Variants in RNF38 observed in about 807,000 individuals in gnomAD.
RNF38 encodes E3 ubiquitin-protein ligase RNF38.
Under a neutral mutation model 67.2 loss-of-function variants are expected in RNF38, and 15 were observed. The observed-to-expected ratio is 0.22, with a 90% CI of 0.15 to 0.34. The LOEUF is 0.34. Ranked by LOEUF, RNF38 falls within the 10% of genes least tolerant of loss-of-function variation. RNF38 has a pLI of 1.00. For synonymous variants in RNF38, 220 were observed against 218.8 expected (o/e 1.01, Z -0.05); for missense variants, 524 against 639.9 (o/e 0.82, Z 1.95).
chr9:36,400,944 G>T (rs1227921526), upstream of RNF38: 1 of 974,244 alleles, frequency 1.0e-6, no homozygotes, highest in South Asian at 4.7e-5. Context: ...ACCCCGCCTC[G>T]GCGATCACAG....
chr9:36,420,519 A>T (rs1293292648), intron 2 of RNF38, among the ~76,000 whole-genome samples: 1 of 133,714 alleles, frequency 7.5e-6, no homozygotes, highest in Non-Finnish European at 1.7e-5. Context: ...GCAACAGAGC[A>T]AGACTCTGTC....
At chr9:36,370,150 G>GA (rs1835267276) in intron 3 of RNF38, among the ~76,000 whole-genome samples, 1 of 152,110 alleles carries the variant, frequency 6.6e-6, no homozygotes, top group Non-Finnish European at 1.5e-5. Context: ...ATTCATCTCT[G>GA]AAAGTATTTA....
At chr9:36,416,617 C>G (rs1473117579) in intron 2 of RNF38, among the ~76,000 whole-genome samples, 1 of 152,132 alleles carries the variant, frequency 6.6e-6, no homozygotes, top group Admixed American at 6.5e-5. Context: ...GTTTTCTTCT[C>G]CCTGTGGTCC....
At chr9:36,393,839 G>C (rs964446883) in intron 1 of RNF38, among the ~76,000 whole-genome samples, 1 of 152,080 alleles carries the variant, frequency 6.6e-6, no homozygotes, top group Non-Finnish European at 1.5e-5. Flanking sequence ...GCATGCGAAA[G>C]GTACCATGTG....
chr9:36,399,248 C>A (rs149556099), intron 1 of RNF38, among the ~76,000 whole-genome samples: 9 of 152,232 alleles, frequency 5.9e-5, no homozygotes, highest in Admixed American at 5.9e-4. Flanking sequence ...GAATCACAGA[C>A]GAAGTCAGAG....
intron 1 of RNF38, among the ~76,000 whole-genome samples, chr9:36,394,532 A>T (rs1197131397): frequency 1.3e-5 from 2 of 152,240 alleles, no homozygotes; most frequent in Non-Finnish European, 2.9e-5. Context: ...AGATATAAAA[A>T]TTAACACATT....
At chr9:36,379,258 A>G (rs1836023642) in intron 2 of RNF38, among the ~76,000 whole-genome samples, 1 of 152,230 alleles carries the variant, frequency 6.6e-6, no homozygotes, top group Non-Finnish European at 1.5e-5. Flanking sequence ...ATACAGGCAA[A>G]CATTAAAAAG....
At chr9:36,397,529 A>C (rs1212988427) in intron 1 of RNF38, among the ~76,000 whole-genome samples, 1 of 152,182 alleles carries the variant, frequency 6.6e-6, no homozygotes, top group Non-Finnish European at 1.5e-5. Flanking sequence ...CTAAACAGAA[A>C]TTATGGTTCC....
At chr9:36,349,465 A>T (rs1399760660) in intron 9 of RNF38, among the ~76,000 whole-genome samples, 1 of 151,980 alleles carries the variant, frequency 6.6e-6, no homozygotes, top group Admixed American at 6.6e-5. Flanking sequence ...CATTTTTTTT[A>T]AATTGGGTTA....
At chr9:36,354,245 T>C (rs1215276493) in intron 6 of RNF38, among the ~76,000 whole-genome samples, 1 of 152,168 alleles carries the variant, frequency 6.6e-6, no homozygotes, top group Non-Finnish European at 1.5e-5. Context: ...CAGGCTGGAG[T>C]GCAGTGGCGC....
intron 11 of RNF38, 77 bp downstream of exon 11, chr9:36,342,248 C>A: frequency 1.0e-6 from 1 of 1,003,954 alleles, no homozygotes; most frequent in South Asian, 1.3e-5. Flanking sequence ...GTCCACTGAG[C>A]TATGAACTTA....
At chr9:36,424,360 T>C (rs1338625821) in intron 2 of RNF38, among the ~76,000 whole-genome samples, 2 of 152,184 alleles carry the variant, frequency 1.3e-5, no homozygotes, top group Admixed American at 6.5e-5. Flanking sequence ...AGCACCACGA[T>C]GGGGACAGAG....
chr9:36,465,199 G>A (rs950597377), intron 1 of RNF38, among the ~76,000 whole-genome samples: 2 of 152,158 alleles, frequency 1.3e-5, no homozygotes, highest in African/African-American at 4.8e-5. Flanking sequence ...AAAACAGCAC[G>A]GCAGTTCCTC....
intron 2 of RNF38, among the ~76,000 whole-genome samples, chr9:36,379,126 T>C (rs761612927): frequency 7.9e-5 from 12 of 152,130 alleles, no homozygotes; most frequent in African/African-American, 9.7e-5. Flanking sequence ...TCTCGAACTC[T>C]CGACCTCAGG....
At chr9:36,465,505 C>T (rs954520843) in intron 1 of RNF38, among the ~76,000 whole-genome samples, 5 of 152,136 alleles carry the variant, frequency 3.3e-5, no homozygotes, top group Non-Finnish European at 5.9e-5. Context: ...CGCCACCACG[C>T]CTGGCTGATT....
intron 2 of RNF38, among the ~76,000 whole-genome samples, chr9:36,386,227 T>A (rs1306393735): frequency 1.3e-5 from 2 of 152,172 alleles, no homozygotes; most frequent in Non-Finnish European, 2.9e-5. Context: ...CTAATAGGAT[T>A]TGCTATCTCT....
At chr9:36,352,898 A>T (rs759277130) in intron 7 of RNF38, 50 bp from the exon 8 acceptor site, 2 of 1,281,824 alleles carry the variant, frequency 1.6e-6, no homozygotes, top group East Asian at 4.6e-5. Flanking sequence ...GTTTACAAAT[A>T]GCCTGTCAAA....
intron 6 of RNF38, among the ~76,000 whole-genome samples, chr9:36,354,656 T>C (rs912634750): frequency 2.6e-5 from 4 of 152,236 alleles, no homozygotes; most frequent in African/African-American, 9.6e-5. Flanking sequence ...CACTCTTTCG[T>C]CACCCATTTA....
chr9:36,368,705 G>T (rs1447832462), intron 4 of RNF38, among the ~76,000 whole-genome samples: 1 of 152,020 alleles, frequency 6.6e-6, no homozygotes, highest in Non-Finnish European at 1.5e-5. Context: ...GAGTATCTAG[G>T]TAAGATATTT....
Sources: gnomAD v4.1 joint callset for allele counts (sites outside exome capture counted in the v4.1 genomes callset) on GRCh38, gnomAD v4.1.1 for gene constraint, MANE v1.5 for transcripts, NCBI Gene and HGNC (gene_info 2026-07-23, HGNC 2026-07-21) for gene names.